The following GPN1 variants were observed in gnomAD, a reference collection of about 807,000 sequenced individuals.
The protein encoded by GPN1 is GPN-loop GTPase 1.
In GPN1, 44 loss-of-function variants were observed where a neutral mutation model predicts 55.9. The ratio of observed to expected loss-of-function variants is 0.79; its 90% CI spans 0.62 to 1.01. The LOEUF is 1.01. Among genes scored for constraint, GPN1 ranks in the 50% least tolerant of loss-of-function variants. GPN1 has a pLI of 0.00. For missense variants in GPN1, 466 were observed against 462.8 expected, an observed-to-expected ratio of 1.01 and a Z score of -0.06; for synonymous variants, 179 against 162.5, an observed-to-expected ratio of 1.10 and a Z score of -0.77.
rs1674286283 is a variant in GPN1, at chr2:27,647,353, C to T, written c.932-483C>T. Among the ~76,000 whole-genome samples the T allele has an allele frequency of 2.6e-5, 4 of 152,276 alleles. No homozygotes were observed. In the South Asian group the frequency reaches 6.2e-4, roughly 24 times the overall value. On this transcript the variant is annotated intron_variant, in intron 12 of 13. Transcript: ENST00000610189. ...ATTTGATTTTCTATTTTTCCCCTCC[C>T]TCCTCTTCTTAAATAATACCCTGGC...
In GPN1 at chr2:27,650,212, ACACTT is replaced by A. The variant is rs1403985552; in HGVS notation, c.*18_*22del. On this transcript the variant is annotated 3_prime_UTR_variant, in exon 14 of 14. Transcript: ENST00000610189. ...GAAACAATAAATAGGAGACTTTAGC[ACACTT>A]CACTTGTTTCTAGAAGTCCAGAATT... 2.0e-6 allele frequency: 3 copies of A among 1,483,652 alleles called. No homozygotes were observed. The highest frequency in any genetic ancestry group is 2.8e-5 in the African/African-American group (2 of 72,464). The allele number at this position is 1,483,652 out of a possible 1,614,324, so 91.9% of individuals were successfully genotyped here.
chr2:27,628,818 G>A, upstream of GPN1: 1 of 1,484,210 alleles, frequency 6.7e-7, no homozygotes, highest in South Asian at 1.4e-5. Context: ...AGAGATCAGC[G>A]CCCTTTTCCT....
At position 27,647,936 on chromosome 2, in the gene GPN1, C is replaced by A. The variant is rs761402688; in HGVS notation, c.1032C>A (p.Asp344Glu). 4 of 1,597,022 alleles carry A rather than the reference C, an allele frequency of 2.5e-6. No homozygotes were observed. Among genetic ancestry groups the A allele is most frequent in the Middle Eastern group, 1.7e-4 (1 of 6,028 alleles). The change falls in exon 13 of 14, where the codon GAC becomes GAA. Residue 344 changes from aspartate (D) to glutamate (E), a missense_variant. Asp to Glu is a conservative substitution (Grantham distance 45). Transcript: ENST00000610189. Reference sequence around the variant, plus strand: ...CAGACAGCGATACTGATGACATTGACCACAGAGGTGAGAGGTGGCTGAGGT... The same window carrying A: ...CAGACAGCGATACTGATGACATTGAACACAGAGGTGAGAGGTGGCTGAGGT... Reference protein sequence around the residue: ...EEADSDTDDIDHRVTEESHEE... With the variant: ...EEADSDTDDIEHRVTEESHEE...
chr2:27,648,209 A>G (rs530976035), intron 13 of GPN1, among the ~76,000 whole-genome samples: 1 of 151,990 alleles, frequency 6.6e-6, no homozygotes, highest in Non-Finnish European at 1.5e-5. Context: ...GTTTGTTGTT[A>G]TTAGTATTTT....
chr2:27,632,493 G>C (rs1673592955), intron 4 of GPN1, 140 bp from the exon 5 acceptor site: 1 of 694,298 alleles, frequency 1.4e-6, no homozygotes, highest in African/African-American at 1.8e-5. Flanking sequence ...ATTCTTTGTT[G>C]TCCTAAGATT....
chr2:27,639,899 C>A (rs10185237), intron 9 of GPN1, 144 bp from the exon 10 acceptor site: 1 of 681,326 alleles, frequency 1.5e-6, no homozygotes. Flanking sequence ...CTGTTTTGTT[C>A]TTTTTTAGCC....
In GPN1 at chr2:27,650,100, C is replaced by CT; in HGVS notation, c.1040-9dup. 4.0e-6 allele frequency: 6 copies of CT among 1,500,462 alleles called. No individual in the cohort carries two copies. The highest frequency in any genetic ancestry group is 1.1e-5 in the South Asian group (1 of 88,770). 92.9% of individuals were successfully genotyped at this position (1,500,462 alleles called of 1,614,324 possible). On this transcript the variant is annotated splice_polypyrimidine_tract_variant and intron_variant, in intron 13 of 13. Coordinates refer to ENST00000610189, the MANE Select transcript of GPN1 (RefSeq NM_007266.4). ...ATGAAAGAGTTGAAAAAGAATTGCC[C>CT]TTTTTTCCTTGCAGTTACAGAGGAA...
At chr2:27,638,654 G>GT (rs112882605) in intron 8 of GPN1, among the ~76,000 whole-genome samples, 8,632 of 152,224 alleles carry the variant, frequency 0.057, 669 homozygotes, top group African/African-American at 0.18. Context: ...TCTGGTCCTG[G>GT]TACTTGGCAG....
chr2:27,633,556 A>G (rs555255559), intron 5 of GPN1, among the ~76,000 whole-genome samples: 7 of 152,188 alleles, frequency 4.6e-5, no homozygotes, highest in African/African-American at 1.4e-4. Flanking sequence ...GCTCACTGCA[A>G]TCTTTGCATC....
At chr2:27,648,343 GT>G (rs1674345161) in intron 13 of GPN1, among the ~76,000 whole-genome samples, 1 of 151,970 alleles carries the variant, frequency 6.6e-6, no homozygotes, top group South Asian at 2.1e-4. Context: ...AACATAGTTA[GT>G]CCCACTCTCT....
In GPN1 at chr2:27,631,019, C is replaced by A. The variant is rs749684709; in HGVS notation, c.206-8C>A. On this transcript the variant is annotated splice_region_variant and splice_polypyrimidine_tract_variant and intron_variant, in intron 2 of 13. Transcript: ENST00000610189. ...TACATTCCAGTTAATTCTTTTTTTT[C>A]TCCTCAGATATTCGTGATACTGTAA... The A allele has an allele frequency of 2.4e-6, 3 of 1,258,950 alleles. No homozygotes were observed. The highest frequency in any genetic ancestry group is 3.5e-6 in the Non-Finnish European group (3 of 861,220). The allele number at this position is 1,258,950 out of a possible 1,614,324, so 78.0% of individuals were successfully genotyped here. A position where few individuals can be genotyped will look rare whatever the true frequency, so the allele number is the denominator to read the frequency against.
At position 27,632,633 on chromosome 2, in the gene GPN1, G is replaced by T. The variant is rs766890841; in HGVS notation, c.313G>T (p.Val105Leu). The change falls in exon 5 of 14, where the codon GTG (valine) becomes TTG (leucine). Residue 105 changes from valine to leucine, a missense_variant and splice_region_variant. Val to Leu is a conservative substitution (Grantham distance 32). Transcript: ENST00000610189. ...TGTCATTGACATCTTTTTCTTTTAG[G>T]TGATGAAATTTATTGAGAAGGCCCA... ...LNLFATRFDQ[V>L]MKFIEKAQNM... 5 of 1,597,054 alleles carry T rather than the reference G, an allele frequency of 3.1e-6. No individual in the cohort carries two copies. The Middle Eastern group carries it at 8.3e-4, about 265-fold the overall frequency.
rs779925696 is a variant in GPN1, at chr2:27,640,137, G to A, written c.800+12G>A. The A allele has an allele frequency of 6.5e-7, 1 of 1,546,634 alleles. No homozygotes were observed. Among genetic ancestry groups the A allele is most frequent in the Non-Finnish European group, 8.9e-7 (1 of 1,119,262 alleles). ...GAAGAATATGAAAGGTGAGGATAAAGGAAAATTCTATTGATGACATTCTTA... is the reference window on the plus strand; with the variant it reads ...GAAGAATATGAAAGGTGAGGATAAAAGAAAATTCTATTGATGACATTCTTA... On this transcript the variant is annotated intron_variant, in intron 10 of 13. Transcript: ENST00000610189.
At chr2:27,640,177 T>C in intron 10 of GPN1, 52 bp downstream of exon 10, 2 of 1,194,710 alleles carry the variant, frequency 1.7e-6, no homozygotes, top group South Asian at 1.2e-5. Flanking sequence ...CCTACAATTC[T>C]GATATGAAAG....
intron 7 of GPN1, 64 bp downstream of exon 7, chr2:27,635,298 C>CTATTTTTT: frequency 2.2e-5 from 10 of 445,264 alleles, no homozygotes; most frequent in South Asian, 3.3e-5. Flanking sequence ...CTTCTTCTTC[C>CTATTTTTT]TCTTTTTTTT....
intron 13 of GPN1, 41 bp downstream of exon 13, chr2:27,647,984 G>C (rs764114364): frequency 9.2e-7 from 1 of 1,085,768 alleles, no homozygotes; most frequent in South Asian, 1.3e-5. Context: ...CAGAGCATCT[G>C]CTTATCCTCA....
chr2:27,645,469 T>C (rs1674181273), intron 12 of GPN1, among the ~76,000 whole-genome samples: 1 of 152,148 alleles, frequency 6.6e-6, no homozygotes. Context: ...AAAAGCTTTT[T>C]GGTATTTTAG....
chr2:27,638,394 G>A (rs1673814270), intron 8 of GPN1, 139 bp downstream of exon 8: 2 of 591,636 alleles, frequency 3.4e-6, no homozygotes, highest in Non-Finnish European at 3.0e-6. Context: ...TAGGCACTTC[G>A]AGAAAATGAA....
At chr2:27,628,388 A>G (rs563048922), upstream of GPN1, 49 of 1,550,660 alleles carry the variant, frequency 3.2e-5, no homozygotes, top group East Asian at 1.1e-3. Flanking sequence ...TCCAGTACCT[A>G]CTTGCACCTG....
Sources: gnomAD v4.1 joint callset for allele counts (sites outside exome capture counted in the v4.1 genomes callset) on GRCh38, gnomAD v4.1.1 for gene constraint, MANE v1.5 for transcripts, NCBI Gene and HGNC (gene_info 2026-07-23, HGNC 2026-07-21) for gene names.